The following FTCDNL1 variants were observed in gnomAD, a reference collection of about 807,000 sequenced individuals.
FTCDNL1 encodes the protein formiminotransferase cyclodeaminase N-terminal like.
In FTCDNL1, 11 loss-of-function variants were observed where a neutral mutation model predicts 5.9. That is an observed-to-expected ratio of 1.87 (90% confidence interval 1.18 to 3.10). The LOEUF (loss-of-function observed/expected upper bound fraction) is 3.10. FTCDNL1 is among the 30% of genes most tolerant of loss of function. The pLI is 0.00. For synonymous variants in FTCDNL1, 58 were observed against 24.8 expected (o/e 2.34, Z -3.99); for missense variants, 115 against 65.5 (o/e 1.76, Z -2.61).
At chr2:199,838,144 G>A (rs995867392) in intron 3 of FTCDNL1, among the ~76,000 whole-genome samples, 5 of 152,194 alleles carry the variant, frequency 3.3e-5, no homozygotes, top group Admixed American at 1.3e-4. Context: ...TGAGGAAGAC[G>A]TGGAACACAT....
intron 3 of FTCDNL1, among the ~76,000 whole-genome samples, chr2:199,826,421 A>C (rs1702034522): frequency 6.7e-6 from 1 of 148,770 alleles, no homozygotes; most frequent in Non-Finnish European, 1.5e-5. Flanking sequence ...TATATGTAAA[A>C]TGGAAAAGAA....
the FTCDNL1 span, among the ~76,000 whole-genome samples, chr2:199,697,938 C>A: frequency 0.011 from 1,660 of 152,266 alleles, 33 homozygotes; most frequent in African/African-American, 0.038. Flanking sequence ...GAAGAAAAAT[C>A]TATCAAGCAA....
At chr2:199,700,942 C>T in the FTCDNL1 span, among the ~76,000 whole-genome samples, 2 of 151,942 alleles carry the variant, frequency 1.3e-5, no homozygotes, top group South Asian at 2.1e-4. Context: ...AAGGTCAGTT[C>T]GCTGCCAGTG....
At chr2:199,672,778 C>A in the FTCDNL1 span, among the ~76,000 whole-genome samples, 1 of 151,944 alleles carries the variant, frequency 6.6e-6, no homozygotes, top group Admixed American at 6.6e-5. Context: ...GCAGCCTGAG[C>A]CCCAAAAGGC....
rs1699619537 is a variant in FTCDNL1 at position 199,785,914 on chromosome 2, A to AG, written c.212-25080dup. Among the ~76,000 whole-genome samples the AG allele has an allele frequency of 1.3e-5, 2 of 152,144 alleles. 1 individual carries two copies. Among genetic ancestry groups the AG allele is most frequent in the Admixed American group, 1.3e-4 (2 of 15,278 alleles). On this transcript the variant is annotated intron_variant, in intron 3 of 3. Transcript: ENST00000416668. ...AATTTTTCCATGGATGGCAGATGGC[A>AG]GGGGGGATGGTTTCAGGATGAAACT... is the stretch of plus-strand genomic sequence containing the variant.
the FTCDNL1 span, among the ~76,000 whole-genome samples, chr2:199,733,916 A>G: frequency 6.6e-6 from 1 of 150,902 alleles, no homozygotes; most frequent in Non-Finnish European, 1.5e-5. Context: ...ATTGCATTTT[A>G]TAAAGATTTC....
the FTCDNL1 span, among the ~76,000 whole-genome samples, chr2:199,743,996 G>A: frequency 1.3e-5 from 2 of 152,094 alleles, no homozygotes; most frequent in East Asian, 3.9e-4. Flanking sequence ...CCATAAAGAA[G>A]GCCTTAGGCT....
chr2:199,728,691 G>A, the FTCDNL1 span, among the ~76,000 whole-genome samples: 1 of 152,188 alleles, frequency 6.6e-6, no homozygotes, highest in African/African-American at 2.4e-5. Context: ...ATAGATAGGA[G>A]GAGTTGTTAC....
At chr2:199,684,673 GT>G in the FTCDNL1 span, among the ~76,000 whole-genome samples, 1 of 152,098 alleles carries the variant, frequency 6.6e-6, no homozygotes, top group Non-Finnish European at 1.5e-5. Flanking sequence ...GCATAAGAAC[GT>G]TTTTATTAAT....
the FTCDNL1 span, among the ~76,000 whole-genome samples, chr2:199,715,735 G>C: frequency 6.6e-6 from 1 of 152,162 alleles, no homozygotes; most frequent in South Asian, 2.1e-4. Flanking sequence ...CTGAGACACA[G>C]AGAGGTTAAG....
the FTCDNL1 span, among the ~76,000 whole-genome samples, chr2:199,708,765 C>T: frequency 6.6e-6 from 1 of 152,128 alleles, no homozygotes; most frequent in Non-Finnish European, 1.5e-5. Flanking sequence ...AGCTTAGAAA[C>T]CATTCAGTTC....
At position 199,851,099 on chromosome 2, in the gene FTCDNL1, G is replaced by C. The variant is rs961136543; in HGVS notation, c.-367C>G. The C allele has an allele frequency of 1.3e-5, 2 of 149,876 alleles. No homozygotes were observed. Among genetic ancestry groups the C allele is most frequent in the South Asian group, 2.1e-4 (1 of 4,830 alleles). 9.3% of individuals were successfully genotyped at this position (149,876 alleles called of 1,614,324 possible). ...GCGAGCGCCGAAGGGCGGTGGGGCAGGGCGACCGCCCAGCCCAAGTCGCCG... is the reference window on the plus strand; with the variant it reads ...GCGAGCGCCGAAGGGCGGTGGGGCACGGCGACCGCCCAGCCCAAGTCGCCG... On this transcript the variant is annotated 5_prime_UTR_variant, in exon 1 of 5. Coordinates refer to ENST00000420128, the MANE Select transcript of FTCDNL1 (RefSeq NM_001363886.2).
intron 3 of FTCDNL1, among the ~76,000 whole-genome samples, chr2:199,776,493 C>A (rs190542976): frequency 9.8e-4 from 149 of 152,302 alleles, no homozygotes; most frequent in Non-Finnish European, 1.8e-3. Flanking sequence ...CATATCTAGT[C>A]CAGCACTGAA....
At chr2:199,730,481 A>C in the FTCDNL1 span, among the ~76,000 whole-genome samples, 113 of 152,360 alleles carry the variant, frequency 7.4e-4, no homozygotes, top group African/African-American at 2.5e-3. Flanking sequence ...CAAGGAACTT[A>C]AACAAATTTA....
At chr2:199,803,191 C>CA (rs71403491) in intron 3 of FTCDNL1, among the ~76,000 whole-genome samples, 36,274 of 70,502 alleles carry the variant, frequency 0.51, 9,568 homozygotes, top group Non-Finnish European at 0.63. Flanking sequence ...AATACCGTCT[C>CA]AAAAAAAAAA....
the FTCDNL1 span, among the ~76,000 whole-genome samples, chr2:199,672,545 G>C: frequency 6.6e-6 from 1 of 152,090 alleles, no homozygotes; most frequent in African/African-American, 2.4e-5. Flanking sequence ...AGGAATTTGG[G>C]AGCAGGGTAG....
intron 3 of FTCDNL1, 129 bp from the exon 4 acceptor site, chr2:199,819,886 T>G (rs1421932837): frequency 1.5e-5 from 9 of 605,202 alleles, no homozygotes; most frequent in Non-Finnish European, 3.0e-6. Flanking sequence ...CATTTCTAAG[T>G]GTCCAGATCA....
chr2:199,777,363 AAACTCTGCAGGGTC>A (rs1467744559), intron 3 of FTCDNL1, among the ~76,000 whole-genome samples: 2 of 152,130 alleles, frequency 1.3e-5, no homozygotes, highest in African/African-American at 4.8e-5. Flanking sequence ...TAGAAAATCC[AAACTCTGCAGGGTC>A]AACCAGTAGG....
the FTCDNL1 span, among the ~76,000 whole-genome samples, chr2:199,673,684 T>A: frequency 1.3e-5 from 2 of 152,148 alleles, no homozygotes; most frequent in Non-Finnish European, 2.9e-5. Context: ...GACATTGAGA[T>A]GAAATAGATA....
Sources: gnomAD v4.1 joint callset for allele counts (sites outside exome capture counted in the v4.1 genomes callset) on GRCh38, gnomAD v4.1.1 for gene constraint, MANE v1.5 for transcripts, NCBI Gene and HGNC (gene_info 2026-07-23, HGNC 2026-07-21) for gene names.